Variants in FGF12 observed in about 807,000 individuals in gnomAD.
The protein encoded by FGF12 is fibroblast growth factor 12B.
Under a neutral mutation model 23.6 loss-of-function variants are expected in FGF12, and 14 were observed. The ratio of observed to expected loss-of-function variants is 0.59; its 90% CI spans 0.39 to 0.93. The LOEUF (loss-of-function observed/expected upper bound fraction) is 0.93. FGF12 is among the 40% of genes least tolerant of loss of function. The probability of loss-of-function intolerance (pLI) is 0.00; values close to 1 mark genes in which losing one functional copy is unlikely to be tolerated. For missense variants in FGF12, 175 were observed against 217.8 expected, an observed-to-expected ratio of 0.80 and a Z score of 1.24; for synonymous variants, 62 against 77.3, an observed-to-expected ratio of 0.80 and a Z score of 1.04.
intron 4 of FGF12, among the ~76,000 whole-genome samples, chr3:192,223,557 C>T (rs976588509): frequency 2.0e-5 from 3 of 152,106 alleles, no homozygotes; most frequent in South Asian, 4.1e-4. Flanking sequence ...GGTGACCATA[C>T]ATCCAGTTTG....
Position 192,408,344 on chromosome 3 carries a change from A to T in FGF12, c.14-47806T>A. The T allele has an allele frequency of 7.0e-7, 1 of 1,430,548 alleles. No homozygotes were observed. Among genetic ancestry groups the T allele is most frequent in the East Asian group, 2.5e-5 (1 of 39,356 alleles). 88.6% of individuals were successfully genotyped at this position (1,430,548 alleles called of 1,614,324 possible). ...GGCAGTCGCGGGGAGGCAGTGCTAA[A>T]ATTTGAGGAGGCTGCAGTATCGAAA... is the stretch of plus-strand genomic sequence containing the variant. On this transcript the variant is annotated intron_variant, in intron 2 of 5. Transcript: ENST00000445105. The surrounding 1 kb of genome is among the most constrained non-coding windows in gnomAD (Gnocchi z 7.3).
chr3:192,615,111 G>A (rs1454265592), intron 2 of FGF12, among the ~76,000 whole-genome samples: 1 of 151,972 alleles, frequency 6.6e-6, no homozygotes, highest in Non-Finnish European at 1.5e-5. Flanking sequence ...CCCTGGGACA[G>A]CCGCCATCTT....
At chr3:192,700,559 G>C (rs775179378) in intron 2 of FGF12, among the ~76,000 whole-genome samples, 18 of 152,144 alleles carry the variant, frequency 1.2e-4, no homozygotes, top group Non-Finnish European at 2.2e-4. Context: ...ACATGTTTGA[G>C]CAGATACATT....
intron 2 of FGF12, among the ~76,000 whole-genome samples, chr3:192,704,750 A>C (rs535380691): frequency 6.6e-6 from 1 of 152,218 alleles, no homozygotes; most frequent in African/African-American, 2.4e-5. Context: ...AAGACTATGA[A>C]GTCTCCATTG....
At chr3:192,711,829 T>C (rs1347953798) in intron 2 of FGF12, among the ~76,000 whole-genome samples, 1 of 151,638 alleles carries the variant, frequency 6.6e-6, no homozygotes, top group East Asian at 1.9e-4. Context: ...CAGGGTCCTC[T>C]GCCTAGGAAA....
At chr3:192,162,722 A>C (rs1272062358) in intron 5 of FGF12, among the ~76,000 whole-genome samples, 1 of 152,106 alleles carries the variant, frequency 6.6e-6, no homozygotes, top group Non-Finnish European at 1.5e-5. Context: ...TTTCCAGTTT[A>C]TTGAAATAAA....
intron 4 of FGF12, among the ~76,000 whole-genome samples, chr3:192,256,301 T>C (rs1008406321): frequency 2.4e-4 from 36 of 152,158 alleles, no homozygotes; most frequent in Admixed American, 2.0e-3. Context: ...AATCTTTTGA[T>C]ACTTTTGCAA....
chr3:192,428,252 G>C (rs1036818118), intron 2 of FGF12, among the ~76,000 whole-genome samples: 1 of 152,170 alleles, frequency 6.6e-6, no homozygotes, highest in Non-Finnish European at 1.5e-5. Context: ...ACTCGACCAT[G>C]ATTTCCTAGA....
At chr3:192,608,741 G>A (rs529988991) in intron 2 of FGF12, among the ~76,000 whole-genome samples, 20 of 152,142 alleles carry the variant, frequency 1.3e-4, no homozygotes, top group South Asian at 6.2e-4. Flanking sequence ...AATTGCTGAC[G>A]GTTAAATAAT....
chr3:192,701,880 C>G (rs931926107), intron 2 of FGF12, among the ~76,000 whole-genome samples: 2 of 151,960 alleles, frequency 1.3e-5, no homozygotes, highest in African/African-American at 4.8e-5. Flanking sequence ...GTAAGAGCAC[C>G]TAAAATCTGC....
At chr3:192,444,961 CAG>C (rs1237119475) in intron 2 of FGF12, among the ~76,000 whole-genome samples, 2 of 152,082 alleles carry the variant, frequency 1.3e-5, no homozygotes, top group Non-Finnish European at 2.9e-5. Context: ...AGATTTGTAA[CAG>C]AAATTTAAAG....
intron 2 of FGF12, among the ~76,000 whole-genome samples, chr3:192,406,025 C>T (rs868154965): frequency 6.6e-6 from 1 of 152,076 alleles, no homozygotes; most frequent in Non-Finnish European, 1.5e-5. Context: ...AGGAAGTCAC[C>T]AGTCAGGATC....
intron 3 of FGF12, among the ~76,000 whole-genome samples, chr3:192,337,154 A>G (rs1396775123): frequency 1.3e-5 from 2 of 152,174 alleles, no homozygotes; most frequent in African/African-American, 2.4e-5. Context: ...ATGGAATAAT[A>G]TGATACAGTG....
At chr3:192,249,437 T>C (rs1220179175) in intron 4 of FGF12, among the ~76,000 whole-genome samples, 5 of 152,148 alleles carry the variant, frequency 3.3e-5, no homozygotes, top group Non-Finnish European at 7.4e-5. Context: ...ATTTAAAATA[T>C]AGTAATACAG....
At chr3:192,177,991 C>T (rs544858943) in intron 4 of FGF12, among the ~76,000 whole-genome samples, 2 of 152,240 alleles carry the variant, frequency 1.3e-5, no homozygotes, top group East Asian at 1.9e-4. Context: ...ATATTCTCTT[C>T]GTATTCTCAA....
intron 3 of FGF12, among the ~76,000 whole-genome samples, chr3:192,338,796 A>C (rs1717546920): frequency 6.6e-6 from 1 of 152,194 alleles, no homozygotes; most frequent in Non-Finnish European, 1.5e-5. Context: ...TAACTGATAG[A>C]GATGCTAATG....
At chr3:192,464,244 G>A (rs560316394) in intron 2 of FGF12, among the ~76,000 whole-genome samples, 25 of 152,164 alleles carry the variant, frequency 1.6e-4, no homozygotes, top group African/African-American at 5.3e-4. Flanking sequence ...TCACCCAAGC[G>A]GTGTATACTG....
At chr3:192,351,297 G>T (rs114647384) in intron 3 of FGF12, among the ~76,000 whole-genome samples, 215 of 152,196 alleles carry the variant, frequency 1.4e-3, no homozygotes, top group African/African-American at 4.7e-3. Context: ...AGGGGTGGGG[G>T]AAGTAAACCA....
rs374410073 is a variant in FGF12 at position 192,438,501 on chromosome 3, T to A, written c.14-77963A>T. Reference sequence around the variant, plus strand: ...AGGAAAATAGATTTGGCTCCTCTTATCCAGTCCAGAGGCAGAACTAAGGAT... The same window carrying A: ...AGGAAAATAGATTTGGCTCCTCTTAACCAGTCCAGAGGCAGAACTAAGGAT... On this transcript the variant is annotated intron_variant, in intron 2 of 5. Coordinates refer to ENST00000445105, the MANE Select transcript of FGF12 (RefSeq NM_004113.6). Among the ~76,000 whole-genome samples the A allele has an allele frequency of 4.6e-5, 7 of 152,324 alleles. No homozygotes were observed. The South Asian group carries it at 1.5e-3, about 32-fold the overall frequency.
Sources: gnomAD v4.1 joint callset for allele counts (sites outside exome capture counted in the v4.1 genomes callset) on GRCh38, gnomAD v4.1.1 for gene constraint, Gnocchi (gnomAD v3.1) non-coding constraint, MANE v1.5 for transcripts, NCBI Gene and HGNC (gene_info 2026-07-23, HGNC 2026-07-21) for gene names.